The following OR3A2 variants were observed in gnomAD, a reference collection of about 807,000 sequenced individuals.
The protein encoded by OR3A2 is olfactory receptor 3A2.
For missense variants in OR3A2, 318 were observed against 392.8 expected, an observed-to-expected ratio of 0.81 and a Z score of 1.61; for synonymous variants, 126 against 159.3, an observed-to-expected ratio of 0.79 and a Z score of 1.57.
At chr17:3,385,739 C>T (rs1334383691) in intron 1 of OR3A2, among the ~76,000 whole-genome samples, 1 of 152,170 alleles carries the variant, frequency 6.6e-6, no homozygotes, top group African/African-American at 2.4e-5. Context: ...TCCGTTTCTT[C>T]ATAAAATTAA....
At chr17:3,278,887 CGGTCCTATT>C (rs2048760774) in exon 2 of OR3A2, 1 of 1,517,170 alleles carries the variant, frequency 6.6e-7, no homozygotes, top group African/African-American at 1.4e-5. Flanking sequence ...TCAGCAACAG[CGGTCCTATT>C]GGTCCCAGCT....
intron 3 of OR3A2, among the ~76,000 whole-genome samples, chr17:3,292,789 G>A (rs1169218712): frequency 1.3e-5 from 2 of 152,004 alleles, no homozygotes; most frequent in Admixed American, 6.6e-5. Flanking sequence ...ATTTGCAGGC[G>A]TAAGCACAGG....
intron 2 of OR3A2, among the ~76,000 whole-genome samples, chr17:3,380,578 AAC>A (rs2049726171): frequency 1.3e-5 from 2 of 152,196 alleles, no homozygotes; most frequent in Non-Finnish European, 2.9e-5. Context: ...GAGTAGATAC[AAC>A]AGTTAAGATG....
intron 3 of OR3A2, among the ~76,000 whole-genome samples, chr17:3,335,695 C>A (rs329629): frequency 0.69 from 105,235 of 152,050 alleles, 37,994 homozygotes; most frequent in East Asian, 1. Flanking sequence ...TTTAACTCTT[C>A]GAACAAAAGT....
At chr17:3,362,831 A>C (rs527287493) in intron 2 of OR3A2, among the ~76,000 whole-genome samples, 1 of 151,610 alleles carries the variant, frequency 6.6e-6, no homozygotes. Flanking sequence ...AGGTTCCCAA[A>C]CCTCAACTCT....
intron 3 of OR3A2, among the ~76,000 whole-genome samples, chr17:3,304,732 A>G (rs2048988358): frequency 6.6e-6 from 1 of 152,218 alleles, no homozygotes; most frequent in South Asian, 2.1e-4. Context: ...CTTCCTTCAA[A>G]AGCCTGCGGT....
chr17:3,375,501 C>T (rs894091921), intron 2 of OR3A2, among the ~76,000 whole-genome samples: 1 of 151,682 alleles, frequency 6.6e-6, no homozygotes, highest in Non-Finnish European at 1.5e-5. Flanking sequence ...GGGGTTTCAC[C>T]ATGATGGTCA....
intron 3 of OR3A2, among the ~76,000 whole-genome samples, chr17:3,304,923 C>T (rs2048989355): frequency 6.6e-6 from 1 of 152,138 alleles, no homozygotes; most frequent in Non-Finnish European, 1.5e-5. Flanking sequence ...CTGTACGATT[C>T]CACTTATATA....
intron 3 of OR3A2, among the ~76,000 whole-genome samples, chr17:3,332,253 G>A (rs1012855933): frequency 7.9e-5 from 12 of 152,056 alleles, no homozygotes; most frequent in South Asian, 4.2e-4. Flanking sequence ...TTCGAGCTTC[G>A]CGGCTGCTTT....
intron 2 of OR3A2, among the ~76,000 whole-genome samples, chr17:3,381,807 C>T (rs1441275616): frequency 6.6e-6 from 1 of 152,168 alleles, no homozygotes. Context: ...TCAAATGCCA[C>T]CTCTTCTGTG....
intron 1 of OR3A2, among the ~76,000 whole-genome samples, chr17:3,280,273 A>ATT (rs200615690): frequency 0.015 from 2,103 of 141,290 alleles, 59 homozygotes; most frequent in African/African-American, 0.051. Flanking sequence ...CATTTTTCAG[A>ATT]TTTTTTTTTT....
intron 1 of OR3A2, among the ~76,000 whole-genome samples, chr17:3,385,452 T>C (rs1026839967): frequency 1.5e-4 from 22 of 150,076 alleles, no homozygotes; most frequent in African/African-American, 5.1e-4. Context: ...TAGAGGAGGA[T>C]AGATAGATAG....
At chr17:3,317,073 G>A (rs572569180) in intron 3 of OR3A2, among the ~76,000 whole-genome samples, 2 of 152,278 alleles carry the variant, frequency 1.3e-5, no homozygotes, top group East Asian at 1.9e-4. Flanking sequence ...TAAACGGACA[G>A]GCAATAAGGT....
intron 3 of OR3A2, among the ~76,000 whole-genome samples, chr17:3,325,162 C>T (rs1269164781): frequency 6.8e-6 from 1 of 147,010 alleles, no homozygotes; most frequent in Non-Finnish European, 1.5e-5. Flanking sequence ...AGGGGTACAA[C>T]TTTATTTTAA....
chr17:3,329,909 G>A (rs1247659494), intron 3 of OR3A2, among the ~76,000 whole-genome samples: 4 of 135,228 alleles, frequency 3.0e-5, no homozygotes, highest in African/African-American at 1.2e-4. Flanking sequence ...CTGGTATGTT[G>A]TGTCTTTGTT....
At chr17:3,295,428 C>T (rs1188600216) in intron 3 of OR3A2, among the ~76,000 whole-genome samples, 2 of 151,992 alleles carry the variant, frequency 1.3e-5, no homozygotes, top group Non-Finnish European at 2.9e-5. Flanking sequence ...TGGAACTCTA[C>T]ACAAAGTTAC....
chr17:3,359,320 G>A (rs1404876495), intron 2 of OR3A2, among the ~76,000 whole-genome samples: 1 of 151,646 alleles, frequency 6.6e-6, no homozygotes, highest in Non-Finnish European at 1.5e-5. Context: ...TCATTGTGCT[G>A]TTAGCTGGTT....
intron 3 of OR3A2, among the ~76,000 whole-genome samples, chr17:3,308,359 C>T (rs2049013631): frequency 6.6e-6 from 1 of 152,068 alleles, no homozygotes; most frequent in Admixed American, 6.5e-5. Flanking sequence ...CGGGACTGTC[C>T]CTCCTCCTCT....
intron 2 of OR3A2, among the ~76,000 whole-genome samples, chr17:3,361,923 G>A (rs1423140780): frequency 6.6e-6 from 1 of 151,526 alleles, no homozygotes. Context: ...GGATGATGCT[G>A]GCCTCATAAA....
Sources: allele counts gnomAD v4.1 joint callset (sites outside exome capture counted in the v4.1 genomes callset), GRCh38; gene constraint gnomAD v4.1.1; transcripts MANE v1.5; gene names NCBI Gene and HGNC (gene_info 2026-07-23, HGNC 2026-07-21).